FAM222B: variants seen among roughly 807,000 people sequenced by gnomAD.
FAM222B encodes the protein family with sequence similarity 222 member B.
In FAM222B, 12 loss-of-function variants were observed where a neutral mutation model predicts 38.0. The observed-to-expected ratio is 0.32, with a 90% confidence interval of 0.20 to 0.51. The LOEUF (loss-of-function observed/expected upper bound fraction) is 0.51. Among genes scored for constraint, FAM222B ranks in the 20% least tolerant of loss-of-function variants. The pLI, the probability that FAM222B is intolerant of heterozygous loss-of-function variation, is 0.97. For synonymous variants in FAM222B, 329 were observed against 317.2 expected (o/e 1.04, Z -0.40); for missense variants, 716 against 754.2 (o/e 0.95, Z 0.59).
At chr17:28,835,024 T>TG (rs2038792448) in intron 1 of FAM222B, among the ~76,000 whole-genome samples, 44 of 132,108 alleles carry the variant, frequency 3.3e-4, no homozygotes, top group Admixed American at 1.3e-3. Flanking sequence ...TCAGCTAATT[T>TG]TGTGTGTGTG....
At chr17:28,842,958 G>A (rs1434565367), upstream of FAM222B, 1 of 152,314 alleles carries the variant, frequency 6.6e-6, no homozygotes, top group African/African-American at 2.4e-5. Flanking sequence ...GAGGCTTAGA[G>A]AATTTGGCGG....
Position 28,759,296 on chromosome 17 carries a change from G to A in FAM222B, c.663C>T (p.His221=). 1 of 1,612,632 alleles carries A rather than the reference G, an allele frequency of 6.2e-7. No homozygotes were observed. The highest frequency in any genetic ancestry group is 8.5e-7 in the Non-Finnish European group (1 of 1,179,440). ...PQALAHQGLQ[H]PHNPLLHGGR... ...CTCCATGCAGCAAGGGATTGTGGGG[G>A]TGCTGGAGACCCTGGTGAGCCAGGG... Residue 221 remains histidine (H), a synonymous_variant, in exon 3 of 3, where the codon CAC becomes CAT. Transcript: ENST00000581407. This position sits in a 1 kb window ranked among gnomAD's most constrained non-coding sequence, Gnocchi z 4.8.
intron 1 of FAM222B, among the ~76,000 whole-genome samples, chr17:28,789,859 G>A (rs1397437282): frequency 1.3e-5 from 2 of 152,202 alleles, no homozygotes; most frequent in Non-Finnish European, 2.9e-5. Context: ...CTTAGTTGGT[G>A]AGGGAAACCC....
At chr17:28,827,806 T>C (rs942864626) in intron 1 of FAM222B, among the ~76,000 whole-genome samples, 1 of 152,116 alleles carries the variant, frequency 6.6e-6, no homozygotes, top group Non-Finnish European at 1.5e-5. Context: ...ACTAGGGTAA[T>C]GAAGGGCTTT....
At chr17:28,777,099 C>T (rs996432101) in intron 1 of FAM222B, 1 of 152,186 alleles carries the variant, frequency 6.6e-6, no homozygotes, top group African/African-American at 2.4e-5. Flanking sequence ...CCATCTTTAA[C>T]TCAATAGGGG....
chr17:28,779,931 C>T (rs541702753), intron 1 of FAM222B, among the ~76,000 whole-genome samples: 5 of 151,802 alleles, frequency 3.3e-5, no homozygotes, highest in South Asian at 4.2e-4. Context: ...CAGCTGAATG[C>T]TTTTCCTCTA....
intron 1 of FAM222B, among the ~76,000 whole-genome samples, chr17:28,786,400 G>A (rs1466974607): frequency 1.3e-5 from 2 of 152,132 alleles, no homozygotes; most frequent in Non-Finnish European, 2.9e-5. Flanking sequence ...CCAGGGGAGA[G>A]CTGTATTATT....
At chr17:28,826,300 C>T (rs1248400640) in intron 1 of FAM222B, among the ~76,000 whole-genome samples, 1 of 151,526 alleles carries the variant, frequency 6.6e-6, no homozygotes, top group Non-Finnish European at 1.5e-5. Flanking sequence ...GAACTCCAGA[C>T]CTCAAGTGAT....
chr17:28,811,361 A>C (rs2037754335), intron 1 of FAM222B, among the ~76,000 whole-genome samples: 1 of 151,952 alleles, frequency 6.6e-6, no homozygotes, highest in Admixed American at 6.6e-5. Flanking sequence ...AATCGCTTGA[A>C]CCCTGGAGGC....
intron 1 of FAM222B, among the ~76,000 whole-genome samples, chr17:28,772,467 G>A (rs1456248126): frequency 6.7e-6 from 1 of 149,710 alleles, no homozygotes; most frequent in East Asian, 2.0e-4. Flanking sequence ...GCTCATGCCT[G>A]TAATCCCAGC....
In FAM222B at chr17:28,790,883, A is replaced by AAATTTTTTTTTTTT. The variant is rs1567838640; in HGVS notation, c.-40-24177_-40-24176insAAAAAAAAAAAATT. Among the ~76,000 whole-genome samples the AAATTTTTTTTTTTT allele has an allele frequency of 3.3e-3, 29 of 8,900 alleles. 1 individual carries two copies. The highest frequency in any genetic ancestry group is 0.016 in the African/African-American group (29 of 1,854). The allele number at this position is 8,900 out of a possible 152,430, so 5.8% of individuals were successfully genotyped here. ...TGTTCTATATATTTCAAATTGTTTC[A>AAATTTTTTTTTTTT]CTTTTTTTTTTTTTTTTTTTTTTTT... On this transcript the variant is annotated intron_variant, in intron 1 of 2. Transcript: ENST00000581407.
Position 28,758,159 on chromosome 17 carries a change from T to A in FAM222B, c.*111A>T. 4 of 989,120 alleles carry A rather than the reference T, an allele frequency of 4.0e-6. No homozygotes were observed. The highest frequency in any genetic ancestry group is 5.9e-6 in the Non-Finnish European group (4 of 676,808). The allele number at this position is 989,120 out of a possible 1,614,324, so 61.3% of individuals were successfully genotyped here. On this transcript the variant is annotated 3_prime_UTR_variant, in exon 3 of 3. Transcript: ENST00000581407. ...CACCAAATTCCCTTTCTTAGACATC[T>A]AAGAATGATCACACTGGAGCAGTGA...
chr17:28,764,848 C>A (rs1317221833), intron 2 of FAM222B, among the ~76,000 whole-genome samples: 1 of 152,144 alleles, frequency 6.6e-6, no homozygotes, highest in Non-Finnish European at 1.5e-5. Flanking sequence ...GATATCACAT[C>A]TTTGGGTAAA....
At chr17:28,801,171 A>AAG (rs2037202713) in intron 1 of FAM222B, among the ~76,000 whole-genome samples, 1 of 135,088 alleles carries the variant, frequency 7.4e-6, no homozygotes. Flanking sequence ...AAAAAAAAAA[A>AAG]GACCAGGCGC....
chr17:28,845,683 C>T (rs1470786029), upstream of FAM222B, among the ~76,000 whole-genome samples: 1 of 151,858 alleles, frequency 6.6e-6, no homozygotes, highest in South Asian at 2.1e-4. Context: ...ATCATAAGGT[C>T]AGGAGATCGA....
rs577890160 is a variant in FAM222B at position 28,771,637 on chromosome 17, T to C, written c.-40-4930A>G. On this transcript the variant is annotated intron_variant, in intron 1 of 2. Transcript: ENST00000581407. Reference sequence around the variant, plus strand: ...CAGAGGTTGTCGTGAGCTGAGATTTTGCCACTGCACACCAGCCCGGGAAAC... The same window carrying C: ...CAGAGGTTGTCGTGAGCTGAGATTTCGCCACTGCACACCAGCCCGGGAAAC... Among the ~76,000 whole-genome samples, 951 of 152,254 alleles carry C rather than the reference T, an allele frequency of 6.2e-3. 6 individuals carry two copies. Among genetic ancestry groups the C allele is most frequent in the Non-Finnish European group, 0.01 (684 of 68,008 alleles).
chr17:28,775,852 G>C (rs1742550120), intron 1 of FAM222B, among the ~76,000 whole-genome samples: 1 of 150,586 alleles, frequency 6.6e-6, no homozygotes, highest in African/African-American at 2.4e-5. Context: ...CTACACTCCA[G>C]CCTGGGTGAC....
chr17:28,811,233 T>C (rs1017327243), intron 1 of FAM222B, among the ~76,000 whole-genome samples: 2 of 151,970 alleles, frequency 1.3e-5, no homozygotes, highest in African/African-American at 4.8e-5. Context: ...GAGGTCAGGA[T>C]ATCAAGACCA....
chr17:28,764,758 TA>T (rs112083859), intron 2 of FAM222B, among the ~76,000 whole-genome samples: 25 of 148,848 alleles, frequency 1.7e-4, no homozygotes, highest in East Asian at 5.9e-4. Context: ...AAAAAATAAT[TA>T]AAAAAAAAAT....
Sources: gnomAD v4.1 joint callset for allele counts (sites outside exome capture counted in the v4.1 genomes callset) on GRCh38, gnomAD v4.1.1 for gene constraint, Gnocchi (gnomAD v3.1) non-coding constraint, MANE v1.5 for transcripts, NCBI Gene and HGNC (gene_info 2026-07-23, HGNC 2026-07-21) for gene names.